ZFC3H1: variants seen among roughly 807,000 people sequenced by gnomAD.
ZFC3H1 encodes zinc finger C3H1 domain-containing protein.
In ZFC3H1, 71 loss-of-function variants were observed where a neutral mutation model predicts 243.7. The observed-to-expected ratio is 0.29, with a 90% CI of 0.24 to 0.36. The LOEUF (loss-of-function observed/expected upper bound fraction) is 0.36, where lower values mean the gene tolerates loss of function less well. Among genes scored for constraint, ZFC3H1 ranks in the 10% least tolerant of loss-of-function variants. ZFC3H1 has a pLI of 1.00. For synonymous variants in ZFC3H1, 838 were observed against 813.0 expected, an observed-to-expected ratio of 1.03 and a Z score of -0.52; for missense variants, 1,966 against 2,317.1, an observed-to-expected ratio of 0.85 and a Z score of 3.11.
chr12:71,655,232 T>C (rs780994062), intron 2 of ZFC3H1, among the ~76,000 whole-genome samples: 9 of 152,108 alleles, frequency 5.9e-5, no homozygotes, highest in South Asian at 4.1e-4. Flanking sequence ...GACAGTATGA[T>C]TGACTTAGAT....
intron 6 of ZFC3H1, among the ~76,000 whole-genome samples, chr12:71,640,028 T>C (rs1592596082): frequency 1.3e-5 from 2 of 151,810 alleles, no homozygotes; most frequent in Non-Finnish European, 2.9e-5. Context: ...TTGTTATTTA[T>C]GTATTTATTT....
rs748349391 is a variant in ZFC3H1, at chr12:71,632,990, T to C, written c.2713A>G (p.Ile905Val). Reference sequence around the variant, plus strand: ...TATTTTAGAGTCAAAGCTTTCTTAATTGTAACACGCTGTTGAACTCTGTGA... The same window carrying C: ...TATTTTAGAGTCAAAGCTTTCTTAACTGTAACACGCTGTTGAACTCTGTGA... ...QIHRVQQRVT[I>V]KKALTLKYGE... Residue 905 changes from isoleucine to valine, a missense_variant, in exon 14 of 35, where the codon ATT (isoleucine) becomes GTT (valine). By Grantham distance (29) the Ile-to-Val change is conservative. Around this residue, in one of 4 missense-constraint regions of ZFC3H1, gnomAD observed 1,383 missense variants for 1,723.7 expected, o/e 0.80. Coordinates refer to ENST00000378743, the MANE Select transcript of ZFC3H1 (RefSeq NM_144982.5). The C allele has an allele frequency of 3.7e-6, 6 of 1,612,630 alleles. No homozygotes were observed. The highest frequency in any genetic ancestry group is 5.1e-6 in the Non-Finnish European group (6 of 1,179,590).
At chr12:71,618,593 A>C (rs1228457527) in intron 27 of ZFC3H1, among the ~76,000 whole-genome samples, 1 of 152,238 alleles carries the variant, frequency 6.6e-6, no homozygotes, top group Non-Finnish European at 1.5e-5. Context: ...TTCTCAATAA[A>C]GCAACATAGT....
intron 30 of ZFC3H1, 140 bp downstream of exon 30, chr12:71,614,395 A>G (rs1275824618): frequency 1.1e-5 from 8 of 733,708 alleles, no homozygotes; most frequent in Non-Finnish European, 1.6e-5. Context: ...TAAATAAGAA[A>G]CATAGTCAAG....
In ZFC3H1 at chr12:71,628,224, C is replaced by G. The variant is rs149590651; in HGVS notation, c.3947-290G>C. Among the ~76,000 whole-genome samples the G allele has an allele frequency of 9.1e-3, 1,379 of 152,302 alleles. 8 individuals carry two copies. Among genetic ancestry groups the G allele is most frequent in the Middle Eastern group, 0.027 (8 of 294 alleles). The stretch of plus-strand genomic sequence containing the variant: ...ACCTTTTCAGTCCACTTAACAGTAA[C>G]TATGATTCAACTGCTTTTTCATTAT... On this transcript the variant is annotated intron_variant, in intron 20 of 34. Coordinates refer to ENST00000378743, the MANE Select transcript of ZFC3H1 (RefSeq NM_144982.5).
At chr12:71,620,164 G>T in intron 25 of ZFC3H1, 40 bp from the exon 26 acceptor site, 1 of 1,611,862 alleles carries the variant, frequency 6.2e-7, no homozygotes, top group East Asian at 2.2e-5. Context: ...GACATGAAAA[G>T]ATCACTTTTT....
chr12:71,636,766 G>A, intron 8 of ZFC3H1, 84 bp downstream of exon 8: 1 of 1,562,726 alleles, frequency 6.4e-7, no homozygotes, highest in Non-Finnish European at 8.7e-7. Context: ...AAAGCCCAAT[G>A]ATGCCCAAGT....
intron 5 of ZFC3H1, among the ~76,000 whole-genome samples, chr12:71,643,303 C>T (rs960578250): frequency 6.6e-6 from 1 of 151,858 alleles, no homozygotes; most frequent in Non-Finnish European, 1.5e-5. Context: ...ATCCCAGCTA[C>T]TCGGGAGACT....
rs761016701 is a variant in ZFC3H1 at position 71,663,317 on chromosome 12, G to C, written c.294C>G (p.Leu98=). The C allele has an allele frequency of 6.2e-7, 1 of 1,613,386 alleles. No individual in the cohort carries two copies. The highest frequency in any genetic ancestry group is 8.5e-7 in the Non-Finnish European group (1 of 1,180,040). ...RSRHASERGH[L]RGPSSYRPKE... ...TGGGTCGGTAGCTGCTGGGTCCCCT[G>C]AGGTGGCCCCGCTCAGACGCGTGCC... is the stretch of plus-strand genomic sequence containing the variant. The change falls in exon 1 of 35, where the codon CTC becomes CTG. Residue 98 remains leucine, a synonymous_variant. Transcript: ENST00000378743.
At chr12:71,626,810 C>G (rs1210652529) in intron 21 of ZFC3H1, among the ~76,000 whole-genome samples, 2 of 152,236 alleles carry the variant, frequency 1.3e-5, no homozygotes, top group African/African-American at 4.8e-5. Context: ...AACTCTCTCT[C>G]AAGGCCAGCT....
rs2137572740 is a variant in ZFC3H1 at position 71,663,805 on chromosome 12, T to G, written c.-195A>C. The G allele has an allele frequency of 6.5e-6, 4 of 618,466 alleles. No individual in the cohort carries two copies. The highest frequency in any genetic ancestry group is 2.8e-6 in the Non-Finnish European group (1 of 359,766). 38.3% of individuals were successfully genotyped at this position (618,466 alleles called of 1,614,324 possible). On this transcript the variant is annotated 5_prime_UTR_variant, in exon 1 of 35. Coordinates refer to ENST00000378743, the MANE Select transcript of ZFC3H1 (RefSeq NM_144982.5). The stretch of plus-strand genomic sequence containing the variant: ...CTCTCGCCGGACCGTCGCAACCCAG[T>G]TCCCTTTCCTAGCGCCCCCTTGCTC...
chr12:71,652,416 T>C (rs574516840), intron 2 of ZFC3H1, among the ~76,000 whole-genome samples: 74 of 152,322 alleles, frequency 4.9e-4, no homozygotes, highest in Admixed American at 2.7e-3. Context: ...TGTCCTTTTA[T>C]AATTTTATGT....
Position 71,633,264 on chromosome 12 carries a change from T to G in ZFC3H1, c.2685A>C (p.Gln895His). ...NRMFLKKLQE[Q>H]IHRVQQRVTI... ...GACTACAGTATTTTAAAATAATTAC[T>G]TGTTCCTGAAGCTTCTTCAAAAACA... is the stretch of plus-strand genomic sequence containing the variant. The change falls in exon 13 of 35, where the codon CAA becomes CAC. Residue 895 changes from glutamine to histidine, a missense_variant and splice_region_variant. Around this residue, in one of 4 missense-constraint regions of ZFC3H1, gnomAD observed 1,383 missense variants for 1,723.7 expected, o/e 0.80. Transcript: ENST00000378743. 6.4e-7 allele frequency: 1 copy of G among 1,571,820 alleles called. No individual in the cohort carries two copies. Among genetic ancestry groups the G allele is most frequent in the Non-Finnish European group, 8.6e-7 (1 of 1,165,236 alleles).
At chr12:71,639,597 T>C (rs1159976360) in intron 6 of ZFC3H1, 1 of 154,656 alleles carries the variant, frequency 6.5e-6, no homozygotes, top group African/African-American at 2.4e-5. Flanking sequence ...GGCTGCACTA[T>C]CCTCATCCAG....
intron 22 of ZFC3H1, among the ~76,000 whole-genome samples, chr12:71,624,823 C>T (rs758399398): frequency 6.6e-6 from 1 of 152,112 alleles, no homozygotes; most frequent in Non-Finnish European, 1.5e-5. Flanking sequence ...AAAATTTAGC[C>T]AGGCACGGTG....
Position 71,644,170 on chromosome 12 carries a change from T to A in ZFC3H1, c.1428A>T (p.Arg476=). Residue 476 remains arginine (R), a synonymous_variant, in exon 5 of 35, where the codon CGA becomes CGT. Coordinates refer to ENST00000378743, the MANE Select transcript of ZFC3H1 (RefSeq NM_144982.5). ...ACTGTTCTTCCTGATTTGAGAGATC[T>A]CGAATTTTTCTGATTTCTTCCTCTC... ...RKREEEIRKI[R]DLSNQEEQYN... 1 of 1,613,858 alleles carries A rather than the reference T, an allele frequency of 6.2e-7. No individual in the cohort carries two copies. Among genetic ancestry groups the A allele is most frequent in the South Asian group, 1.1e-5 (1 of 91,044 alleles).
rs944254468 is a variant in ZFC3H1 at position 71,610,761 on chromosome 12, T to C, written c.5770-4A>G. Reference sequence around the variant, plus strand: ...CTCTCTGATATAAACGGTGGACCTGTAAGATAGATATACACACAATTCCAT... The same window carrying C: ...CTCTCTGATATAAACGGTGGACCTGCAAGATAGATATACACACAATTCCAT... On this transcript the variant is annotated splice_region_variant and splice_polypyrimidine_tract_variant and intron_variant, in intron 33 of 34. Coordinates refer to ENST00000378743, the MANE Select transcript of ZFC3H1 (RefSeq NM_144982.5). 1 of 1,612,166 alleles carries C rather than the reference T, an allele frequency of 6.2e-7. No homozygotes were observed. Among genetic ancestry groups the C allele is most frequent in the Non-Finnish European group, 8.5e-7 (1 of 1,179,074 alleles).
intron 23 of ZFC3H1, 44 bp downstream of exon 23, chr12:71,624,052 CCTTTTAAA>C: frequency 6.5e-7 from 1 of 1,530,934 alleles, no homozygotes; most frequent in South Asian, 1.2e-5. Context: ...ACGGTGTAGA[CCTTTTAAA>C]CTTTTTCTGC....
intron 19 of ZFC3H1, 33 bp from the exon 20 acceptor site, chr12:71,629,070 ATAAC>A: frequency 6.5e-7 from 1 of 1,543,468 alleles, no homozygotes; most frequent in Non-Finnish European, 8.7e-7. Flanking sequence ...GTTAATTGAT[ATAAC>A]TAGTTTTTTT....
Sources: allele counts gnomAD v4.1 joint callset (sites outside exome capture counted in the v4.1 genomes callset), GRCh38; gene constraint gnomAD v4.1.1; regional missense constraint gnomAD v4.1.1; transcripts MANE v1.5; gene names NCBI Gene and HGNC (gene_info 2026-07-23, HGNC 2026-07-21).